Variants in RBFOX1 observed in about 807,000 individuals in gnomAD.
RBFOX1 encodes RNA binding fox-1 homolog 1.
RBFOX1 carries 8 observed loss-of-function variants against 57.7 expected under a neutral mutation model. The ratio of observed to expected loss-of-function variants is 0.14; its 90% CI spans 0.08 to 0.25. The LOEUF is 0.25. RBFOX1 is among the 10% of genes least tolerant of loss of function. The pLI, the probability that RBFOX1 is intolerant of heterozygous loss-of-function variation, is 1.00. For synonymous variants in RBFOX1, 326 were observed against 222.4 expected (o/e 1.47, Z -4.15); for missense variants, 611 against 548.5 (o/e 1.11, Z -1.14).
At chr16:5,275,376 A>G (rs750435635) in intron 1 of RBFOX1, among the ~76,000 whole-genome samples, 1 of 152,212 alleles carries the variant, frequency 6.6e-6, no homozygotes, top group Admixed American at 6.5e-5. Context: ...TATGTACACA[A>G]ATCAGTAGCA....
chr16:5,264,718 G>T (rs1352686679), intron 1 of RBFOX1, among the ~76,000 whole-genome samples: 1 of 152,120 alleles, frequency 6.6e-6, no homozygotes, highest in Non-Finnish European at 1.5e-5. Flanking sequence ...TAGGCTGGGG[G>T]CAGAGGTGCA....
chr16:5,756,503 C>T (rs1482072772), intron 3 of RBFOX1, among the ~76,000 whole-genome samples: 3 of 152,124 alleles, frequency 2.0e-5, no homozygotes, highest in East Asian at 1.9e-4. Context: ...CCTCCTTCTC[C>T]ATCCAGGCCT....
chr16:5,651,834 A>T (rs2049250351), intron 3 of RBFOX1, among the ~76,000 whole-genome samples: 1 of 152,178 alleles, frequency 6.6e-6, no homozygotes, highest in Non-Finnish European at 1.5e-5. Context: ...AAGTAAACTA[A>T]TAATAATAAT....
rs142273608 is a variant in RBFOX1, at chr16:6,326,669, T to C, written c.-64+9612T>C. ...ACTCTGTGCAGAATCATTGCCCATT[T>C]ACAGCTGCTAATGCATTAATAACAG... On this transcript the variant is annotated intron_variant, in intron 2 of 15. Coordinates refer to ENST00000550418, the MANE Select transcript of RBFOX1 (RefSeq NM_018723.4). 1.6e-4 allele frequency among the ~76,000 whole-genome samples: 24 copies of C among 152,234 alleles called. No homozygotes were observed. In the East Asian group the frequency reaches 4.7e-3, roughly 30 times the overall value.
At chr16:6,526,160 C>T (rs948969974) in intron 2 of RBFOX1, among the ~76,000 whole-genome samples, 2 of 152,216 alleles carry the variant, frequency 1.3e-5, no homozygotes, top group Non-Finnish European at 2.9e-5. Flanking sequence ...ACATCCACCT[C>T]ACCAAACCAT....
chr16:6,795,755 A>C (rs2083871428), intron 3 of RBFOX1, among the ~76,000 whole-genome samples: 2 of 149,254 alleles, frequency 1.3e-5, no homozygotes, highest in South Asian at 4.2e-4. Context: ...GACAGAGTGA[A>C]ACTCCATCTA....
intron 4 of RBFOX1, among the ~76,000 whole-genome samples, chr16:7,236,541 C>A (rs979336194): frequency 6.6e-6 from 1 of 152,158 alleles, no homozygotes; most frequent in African/African-American, 2.4e-5. Context: ...TTTTCCCCAT[C>A]TGTTTTGGTA....
intron 3 of RBFOX1, among the ~76,000 whole-genome samples, chr16:5,800,637 C>G (rs1419452658): frequency 6.6e-6 from 1 of 152,012 alleles, no homozygotes; most frequent in Non-Finnish European, 1.5e-5. Flanking sequence ...TTTTAGTGGC[C>G]TATTACCTAG....
intron 4 of RBFOX1, among the ~76,000 whole-genome samples, chr16:7,483,929 T>C (rs1171016545): frequency 6.6e-6 from 1 of 152,252 alleles, no homozygotes; most frequent in Non-Finnish European, 1.5e-5. Flanking sequence ...TTGATGATTA[T>C]ATACAATCTC....
At chr16:6,938,341 A>G (rs574479122) in intron 3 of RBFOX1, among the ~76,000 whole-genome samples, 2 of 152,150 alleles carry the variant, frequency 1.3e-5, no homozygotes, top group Non-Finnish European at 2.9e-5. Flanking sequence ...ACCGAAGCCT[A>G]TTGTTGGCAA....
chr16:7,179,679 T>C (rs1292469548), intron 4 of RBFOX1, among the ~76,000 whole-genome samples: 2 of 152,160 alleles, frequency 1.3e-5, no homozygotes, highest in South Asian at 2.1e-4. Context: ...TTGAGATGCA[T>C]TGTCCTTCAT....
chr16:6,741,927 T>C (rs1189843617), intron 3 of RBFOX1, among the ~76,000 whole-genome samples: 1 of 152,186 alleles, frequency 6.6e-6, no homozygotes, highest in East Asian at 1.9e-4. Flanking sequence ...AACATAGTGA[T>C]AGACTGTAGT....
chr16:7,128,380 TC>T (rs2151931351), intron 4 of RBFOX1, among the ~76,000 whole-genome samples: 1 of 151,528 alleles, frequency 6.6e-6, no homozygotes, highest in South Asian at 2.1e-4. Context: ...AATGAGCTAG[TC>T]CAAAGCCTAG....
At chr16:6,281,009 A>G (rs1165813881) in intron 1 of RBFOX1, among the ~76,000 whole-genome samples, 1 of 151,532 alleles carries the variant, frequency 6.6e-6, no homozygotes, top group Non-Finnish European at 1.5e-5. Context: ...ATATGTATAT[A>G]TATATGTATT....
chr16:7,503,897 T>C (rs1272710635), intron 4 of RBFOX1, among the ~76,000 whole-genome samples: 1 of 152,054 alleles, frequency 6.6e-6, no homozygotes, highest in East Asian at 1.9e-4. Flanking sequence ...GTGGTGATGG[T>C]TGGTTGGTAT....
At chr16:5,307,151 T>C (rs987803066) in intron 1 of RBFOX1, among the ~76,000 whole-genome samples, 2 of 152,194 alleles carry the variant, frequency 1.3e-5, no homozygotes, top group East Asian at 3.8e-4. Flanking sequence ...GCTACTCGCT[T>C]ATTACATTTC....
chr16:6,987,456 G>GACACACACACACACACACACAC (rs199503873), intron 3 of RBFOX1, among the ~76,000 whole-genome samples: 2 of 135,418 alleles, frequency 1.5e-5, no homozygotes, highest in Non-Finnish European at 3.2e-5. Context: ...AAACTTTTCA[G>GACACACACACACACACACACAC]ACACACACAC....
chr16:6,729,988 C>G (rs906681202), intron 3 of RBFOX1, among the ~76,000 whole-genome samples: 1 of 151,898 alleles, frequency 6.6e-6, no homozygotes, highest in Admixed American at 6.6e-5. Flanking sequence ...AATGACTATA[C>G]TTGTTGAATA....
At chr16:6,870,258 G>A (rs1252033026) in intron 3 of RBFOX1, among the ~76,000 whole-genome samples, 1 of 152,068 alleles carries the variant, frequency 6.6e-6, no homozygotes. Flanking sequence ...AATGGAGAGA[G>A]CATTCCCTTT....
Sources: gnomAD v4.1 joint callset for allele counts (sites outside exome capture counted in the v4.1 genomes callset) on GRCh38, gnomAD v4.1.1 for gene constraint, MANE v1.5 for transcripts, NCBI Gene and HGNC (gene_info 2026-07-23, HGNC 2026-07-21) for gene names.